The following FRMD1 variants were observed in gnomAD, a reference collection of about 807,000 sequenced individuals.
The protein encoded by FRMD1 is FERM domain-containing protein 1.
Under a neutral mutation model 54.9 loss-of-function variants are expected in FRMD1, and 51 were observed. The observed-to-expected ratio is 0.93, with a 90% CI of 0.74 to 1.17. The LOEUF (loss-of-function observed/expected upper bound fraction) is 1.17. Ranked by LOEUF, FRMD1 falls within the 50% of genes most tolerant of loss-of-function variation. The probability of loss-of-function intolerance (pLI) is 0.00; values close to 1 mark genes in which losing one functional copy is unlikely to be tolerated. For synonymous variants in FRMD1, 324 were observed against 306.4 expected (o/e 1.06, Z -0.60); for missense variants, 729 against 743.0 (o/e 0.98, Z 0.22).
intron 1 of FRMD1, among the ~76,000 whole-genome samples, chr6:168,078,545 TGCTC>T (rs1800694073): frequency 1.3e-5 from 1 of 74,682 alleles, no homozygotes; most frequent in Non-Finnish European, 2.7e-5. Flanking sequence ...CCCACGGCCC[TGCTC>T]ACCCCCACGG....
At chr6:168,066,525 A>G in intron 4 of FRMD1, 1 of 1,283,002 alleles carries the variant, frequency 7.8e-7, no homozygotes, top group Non-Finnish European at 9.9e-7. Context: ...AAACAAAAAG[A>G]AAAAGAAAAG....
chr6:168,067,528 T>C (rs771066889), intron 2 of FRMD1, 82 bp from the exon 3 acceptor site: 6 of 841,588 alleles, frequency 7.1e-6, no homozygotes, highest in Non-Finnish European at 1.2e-5. Context: ...GAGTGTGGCT[T>C]GGAGAGAAGA....
intron 7 of FRMD1, among the ~76,000 whole-genome samples, chr6:168,062,351 G>GACAGCTCTCATCCTCT (rs1799790952): frequency 6.6e-6 from 1 of 152,240 alleles, no homozygotes; most frequent in East Asian, 1.9e-4. Context: ...CAGCTCTGGG[G>GACAGCTCTCATCCTCT]CCGGGATGAG....
Position 168,057,292 on chromosome 6 carries a change from G to T in FRMD1, c.1455C>A (p.Gly485=). 1 of 1,612,260 alleles carries T rather than the reference G, an allele frequency of 6.2e-7. No homozygotes were observed. The highest frequency in any genetic ancestry group is 8.5e-7 in the Non-Finnish European group (1 of 1,179,706). The part of the protein sequence containing the change: ...AGVSEEQHSH[G]LDDMQLHQLA... ...GCTGGTGCAGCTGCATGTCGTCCAG[G>T]CCATGGCTGTGCTGCTCCTCACTGA... The change falls in exon 11 of 11, where the codon GGC becomes GGA. Residue 485 remains glycine (G), a synonymous_variant. Transcript: ENST00000283309.
chr6:168,068,192 C>T (rs908508376), intron 2 of FRMD1, among the ~76,000 whole-genome samples: 1 of 152,112 alleles, frequency 6.6e-6, no homozygotes, highest in Non-Finnish European at 1.5e-5. Context: ...GTCAATGATC[C>T]CAGCTTTACC....
intron 2 of FRMD1, among the ~76,000 whole-genome samples, chr6:168,070,535 G>C (rs887465560): frequency 6.6e-6 from 1 of 152,140 alleles, no homozygotes; most frequent in Non-Finnish European, 1.5e-5. Flanking sequence ...TCCGTCTCCC[G>C]ATGGCCCTCG....
intron 1 of FRMD1, among the ~76,000 whole-genome samples, chr6:168,090,097 C>T (rs1800990246): frequency 6.6e-6 from 1 of 152,134 alleles, no homozygotes; most frequent in South Asian, 2.1e-4. Context: ...CAGAACCCAC[C>T]CAGCCTCCAT....
At chr6:168,081,458 C>G, upstream of FRMD1, 2 of 1,535,682 alleles carry the variant, frequency 1.3e-6, no homozygotes, top group Non-Finnish European at 1.7e-6. Flanking sequence ...AAGAGGAGAC[C>G]ACCGCCCAGA....
rs79533993 is a variant in FRMD1, at chr6:168,089,351, A to G, written c.-11-10327T>C. On this transcript the variant is annotated intron_variant, in intron 1 of 12. Transcript: ENST00000644440. ...TTTTAGAGAACGTTTTTGTGGAGCA[A>G]CACCAGCTCCTCCTCTAAGGCCCGT... 6.4e-3 allele frequency among the ~76,000 whole-genome samples: 979 copies of G among 152,310 alleles called. 16 individuals carry two copies. The highest frequency in any genetic ancestry group is 0.023 in the African/African-American group (936 of 41,570).
chr6:168,089,538 C>A (rs1800979257), intron 1 of FRMD1, among the ~76,000 whole-genome samples: 1 of 152,224 alleles, frequency 6.6e-6, no homozygotes, highest in Non-Finnish European at 1.5e-5. Context: ...CGCCTCCAGG[C>A]AGCTGTGTTT....
chr6:168,062,941 G>A lies in FRMD1; in HGVS notation c.823C>T (p.Pro275Ser). 1.2e-6 allele frequency: 2 copies of A among 1,614,086 alleles called. No individual in the cohort carries two copies. Among genetic ancestry groups the A allele is most frequent in the South Asian group, 1.1e-5 (1 of 91,068 alleles). ...AGGGCCAGTCCCAGGATCACGGTGG[G>A]ACGACCTTCCTTCTTATCCTAGAGG... Reference protein sequence around the residue: ...RLHKDKKEGRPTVILGLALRG... With the variant: ...RLHKDKKEGRSTVILGLALRG... The change falls in exon 7 of 11, where the codon CCC becomes TCC. Residue 275 changes from proline to serine, a missense_variant. Pro to Ser is a moderately conservative substitution (Grantham distance 74). Transcript: ENST00000283309.
upstream of FRMD1, among the ~76,000 whole-genome samples, chr6:168,082,131 T>A (rs1004898078): frequency 1.3e-5 from 2 of 152,122 alleles, no homozygotes; most frequent in Non-Finnish European, 2.9e-5. Context: ...AGCCTTCATG[T>A]CCGGGAATGC....
chr6:168,067,090 A>G (rs770352807), intron 3 of FRMD1: 34 of 707,150 alleles, frequency 4.8e-5, no homozygotes, highest in Non-Finnish European at 8.2e-5. Flanking sequence ...CTCAGGGCTC[A>G]CCACAGTCCC....
chr6:168,064,036 A>AAC (rs1799898674), intron 5 of FRMD1, among the ~76,000 whole-genome samples: 1 of 152,202 alleles, frequency 6.6e-6, no homozygotes, highest in African/African-American at 2.4e-5. Context: ...CTCTACTCCC[A>AAC]ACGAGCCCTG....
At chr6:168,067,249 T>G in intron 3 of FRMD1, 118 bp downstream of exon 3, 6 of 670,238 alleles carry the variant, frequency 9.0e-6, no homozygotes, top group South Asian at 3.3e-5. Context: ...AACCCACGCA[T>G]CCCCGCGGTC....
upstream of FRMD1, chr6:168,081,594 G>A (rs373787965): frequency 1.4e-5 from 19 of 1,312,274 alleles, no homozygotes; most frequent in East Asian, 1.0e-4. Context: ...CTCAAGCTTC[G>A]GAGCTCTAGG....
In FRMD1 at chr6:168,057,144, C is replaced by A; in HGVS notation, c.1603G>T (p.Ala535Ser). The A allele has an allele frequency of 6.4e-7, 1 of 1,550,612 alleles. No individual in the cohort carries two copies. The change falls in exon 11 of 11, where the codon GCC becomes TCC. Residue 535 changes from alanine to serine, a missense_variant. Physicochemically the swap from Ala to Ser is moderately conservative, Grantham distance 99 (BLOSUM62 1). Coordinates refer to ENST00000283309, the MANE Select transcript of FRMD1 (RefSeq NM_024919.6). Reference sequence around the variant, plus strand: ...GGAGCCTCTCCGAACAGGTCCAGGGCGAGACAGTTGCTGGACCTCTTGCTG... The same window carrying A: ...GGAGCCTCTCCGAACAGGTCCAGGGAGAGACAGTTGCTGGACCTCTTGCTG... ...LPSKRSSNCL[A>S]LDLFGEAPPQ...
intron 1 of FRMD1, among the ~76,000 whole-genome samples, chr6:168,075,548 G>C (rs1040247491): frequency 5.3e-5 from 8 of 152,124 alleles, no homozygotes; most frequent in East Asian, 1.9e-4. Context: ...GAGGGTGGAG[G>C]GGGTGGGGTG....
intron 4 of FRMD1, chr6:168,066,084 T>C: frequency 1.0e-6 from 1 of 997,820 alleles, no homozygotes; most frequent in Non-Finnish European, 1.2e-6. Context: ...GAGTGGGCAG[T>C]GAACAGCGAG....
Sources: gnomAD v4.1 joint callset for allele counts (sites outside exome capture counted in the v4.1 genomes callset) on GRCh38, gnomAD v4.1.1 for gene constraint, MANE v1.5 for transcripts, NCBI Gene and HGNC (gene_info 2026-07-23, HGNC 2026-07-21) for gene names.